The following FAM135B variants were observed in gnomAD, a reference collection of about 807,000 sequenced individuals.
FAM135B encodes protein FAM135B.
Under a neutral mutation model 127.7 loss-of-function variants are expected in FAM135B, and 43 were observed. That is an observed-to-expected ratio of 0.34 (90% CI 0.26 to 0.43). FAM135B has a LOEUF of 0.43. Ranked by LOEUF, FAM135B falls within the 20% of genes least tolerant of loss-of-function variation. The pLI is 1.00. For missense variants in FAM135B, 1,558 were observed against 1,725.6 expected (o/e 0.90, Z 1.72); for synonymous variants, 670 against 665.1 (o/e 1.01, Z -0.11).
intron 1 of FAM135B, among the ~76,000 whole-genome samples, chr8:138,388,898 AC>A (rs1832376601): frequency 6.6e-6 from 1 of 152,118 alleles, no homozygotes; most frequent in Non-Finnish European, 1.5e-5. Flanking sequence ...TGAACTGTGG[AC>A]TTTGGGTGAT....
intron 1 of FAM135B, among the ~76,000 whole-genome samples, chr8:138,396,965 T>C (rs372023448): frequency 6.6e-6 from 1 of 152,034 alleles, no homozygotes; most frequent in African/African-American, 2.4e-5. Flanking sequence ...GGAAGCAAAC[T>C]AAAAAATGTA....
rs182745292 is a variant in FAM135B at position 138,393,043 on chromosome 8, G to A, written c.-19-25041C>T. Among the ~76,000 whole-genome samples, 27 of 152,306 alleles carry A rather than the reference G, an allele frequency of 1.8e-4. No individual in the cohort carries two copies. In the East Asian group the frequency reaches 3.9e-3, roughly 22 times the overall value. ...CATGGCGGAAGGTGAGGAGGAGCAAGTCACGTCTTACATGGATGGCGGCAG... is the reference window on the plus strand; with the variant it reads ...CATGGCGGAAGGTGAGGAGGAGCAAATCACGTCTTACATGGATGGCGGCAG... On this transcript the variant is annotated intron_variant, in intron 1 of 19. Transcript: ENST00000395297.
At chr8:138,383,563 A>G (rs557570605) in intron 1 of FAM135B, among the ~76,000 whole-genome samples, 1 of 152,334 alleles carries the variant, frequency 6.6e-6, no homozygotes, top group South Asian at 2.1e-4. Context: ...GAAACCACAG[A>G]GGCAAAACCT....
In FAM135B at chr8:138,145,877, A is replaced by G; in HGVS notation, c.3540+82T>C. The G allele has an allele frequency of 6.6e-6, 5 of 759,616 alleles. No homozygotes were observed. The South Asian group carries it at 8.2e-5, about 12-fold the overall frequency. The allele number at this position is 759,616 out of a possible 1,614,324, so 47.1% of individuals were successfully genotyped here. A position where few individuals can be genotyped will look rare whatever the true frequency, so the allele number is the denominator to read the frequency against. On this transcript the variant is annotated intron_variant, in intron 15 of 19. Transcript: ENST00000395297. ...GGTCTCCTCCTATCTGTGTGTGTCC[A>G]TAAATTATCATGGTGCATTTAGGAG...
intron 2 of FAM135B, among the ~76,000 whole-genome samples, chr8:138,330,532 A>G (rs1828094001): frequency 6.6e-6 from 1 of 152,126 alleles, no homozygotes. Context: ...GCATGGAATC[A>G]CTGCCCTGTG....
At chr8:138,219,256 C>A (rs192462263) in intron 7 of FAM135B, among the ~76,000 whole-genome samples, 1 of 152,120 alleles carries the variant, frequency 6.6e-6, no homozygotes, top group African/African-American at 2.4e-5. Flanking sequence ...GTTTCAAATA[C>A]GCCTTTGGTT....
chr8:138,326,135 C>T (rs1423791645), intron 2 of FAM135B, among the ~76,000 whole-genome samples: 1 of 152,102 alleles, frequency 6.6e-6, no homozygotes, highest in East Asian at 1.9e-4. Context: ...CCCTTTGCTG[C>T]TTTTATTCAT....
At chr8:138,229,101 T>C (rs888389625) in intron 7 of FAM135B, among the ~76,000 whole-genome samples, 11 of 152,178 alleles carry the variant, frequency 7.2e-5, no homozygotes, top group African/African-American at 2.7e-4. Context: ...GGCAATGCTG[T>C]CAGCACAATG....
At chr8:138,480,118 A>G (rs1442321167) in intron 1 of FAM135B, among the ~76,000 whole-genome samples, 1 of 152,228 alleles carries the variant, frequency 6.6e-6, no homozygotes, top group Non-Finnish European at 1.5e-5. Context: ...CTGGATGTCC[A>G]TGAGCCTCTG....
chr8:138,319,404 C>A (rs745429860), intron 2 of FAM135B, among the ~76,000 whole-genome samples: 3 of 152,164 alleles, frequency 2.0e-5, no homozygotes, highest in Non-Finnish European at 4.4e-5. Flanking sequence ...ACTGGCCCGG[C>A]CTCCAAGTAT....
chr8:138,272,841 T>C (rs182450566), intron 3 of FAM135B, among the ~76,000 whole-genome samples: 136 of 152,352 alleles, frequency 8.9e-4, no homozygotes, highest in African/African-American at 3.1e-3. Context: ...TTGTACCTCA[T>C]GCTTGTGTAG....
rs988513568 is a variant in FAM135B, at chr8:138,242,454, T to C, written c.669+488A>G. On this transcript the variant is annotated intron_variant, in intron 7 of 19. Transcript: ENST00000395297. This position sits in a 1 kb window ranked among gnomAD's most constrained non-coding sequence, Gnocchi z 9.6. ...ATATTTAGTTAGCAGCTAGTGAGTA[T>C]TGGATACCGGGCTAGGAACTTTACA... Among the ~76,000 whole-genome samples, 5 of 152,042 alleles carry C rather than the reference T, an allele frequency of 3.3e-5. No homozygotes were observed. Among genetic ancestry groups the C allele is most frequent in the African/African-American group, 4.8e-5 (2 of 41,412 alleles).
intron 7 of FAM135B, among the ~76,000 whole-genome samples, chr8:138,239,837 C>A (rs1357776436): frequency 2.0e-5 from 3 of 152,160 alleles, no homozygotes; most frequent in Admixed American, 6.5e-5. Flanking sequence ...GGATGAGTTC[C>A]TGTCCTTTGT....
intron 11 of FAM135B, among the ~76,000 whole-genome samples, chr8:138,172,349 C>T (rs1177062974): frequency 6.6e-6 from 1 of 152,230 alleles, no homozygotes; most frequent in Non-Finnish European, 1.5e-5. Context: ...GTGCAGCATT[C>T]AGGCTGTGTC....
At chr8:138,486,396 G>C (rs145546547) in intron 1 of FAM135B, among the ~76,000 whole-genome samples, 3 of 152,278 alleles carry the variant, frequency 2.0e-5, no homozygotes, top group African/African-American at 7.2e-5. Flanking sequence ...GGCTGTAATT[G>C]AAATACTAAT....
intron 2 of FAM135B, among the ~76,000 whole-genome samples, chr8:138,322,411 T>C (rs1827509149): frequency 6.6e-6 from 1 of 152,112 alleles, no homozygotes; most frequent in South Asian, 2.1e-4. Context: ...GCTGAGTCAA[T>C]TTAGAGTCAA....
intron 19 of FAM135B, among the ~76,000 whole-genome samples, chr8:138,133,844 A>G (rs899254078): frequency 6.6e-6 from 1 of 151,922 alleles, no homozygotes; most frequent in African/African-American, 2.4e-5. Flanking sequence ...GGACCCCCCC[A>G]TCACGCATGG....
intron 7 of FAM135B, among the ~76,000 whole-genome samples, chr8:138,224,164 C>G (rs373977766): frequency 3.9e-5 from 6 of 151,964 alleles, no homozygotes; most frequent in African/African-American, 1.5e-4. Context: ...TGCACATGTG[C>G]CCCCTGAACC....
Position 138,306,963 on chromosome 8 carries a change from G to A in FAM135B, c.157+3878C>T, listed in dbSNP as rs548256125. Reference sequence around the variant, plus strand: ...CTGGTCACAGTCTTGGTCCTGAGCTGGTTGTCCCAGCCATTCCTGTATCCC... The same window carrying A: ...CTGGTCACAGTCTTGGTCCTGAGCTAGTTGTCCCAGCCATTCCTGTATCCC... On this transcript the variant is annotated intron_variant, in intron 3 of 19. Coordinates refer to ENST00000395297, the MANE Select transcript of FAM135B (RefSeq NM_015912.4). Among the ~76,000 whole-genome samples the A allele has an allele frequency of 1.5e-3, 227 of 152,282 alleles. 3 individuals are homozygous for A. The highest frequency in any genetic ancestry group is 2.7e-3 in the Non-Finnish European group (182 of 68,010).
Sources: allele counts gnomAD v4.1 joint callset (sites outside exome capture counted in the v4.1 genomes callset), GRCh38; gene constraint gnomAD v4.1.1; non-coding constraint Gnocchi (gnomAD v3.1); transcripts MANE v1.5; gene names NCBI Gene and HGNC (gene_info 2026-07-23, HGNC 2026-07-21).